The following SAMSN1 variants were observed in gnomAD, a reference collection of about 807,000 sequenced individuals.
SAMSN1 encodes SAM domain, SH3 domain and nuclear localization signals 1.
A neutral mutation model predicts 42.0 loss-of-function variants in SAMSN1; 31 were observed. That is an observed-to-expected ratio of 0.74 (90% CI 0.55 to 1.00). The LOEUF is 1.00. SAMSN1 is among the 50% of genes least tolerant of loss of function. The probability of loss-of-function intolerance (pLI) is 0.00; values close to 1 mark genes in which losing one functional copy is unlikely to be tolerated. For missense variants in SAMSN1, 464 were observed against 439.4 expected, an observed-to-expected ratio of 1.06 and a Z score of -0.50; for synonymous variants, 178 against 151.9, an observed-to-expected ratio of 1.17 and a Z score of -1.26.
chr21:14,590,901 C>T (rs1982064389), intron 7 of SAMSN1, among the ~76,000 whole-genome samples: 1 of 152,122 alleles, frequency 6.6e-6, no homozygotes, highest in African/African-American at 2.4e-5. Flanking sequence ...GATCAATAAA[C>T]ATTTAGAAAC....
intron 1 of SAMSN1, among the ~76,000 whole-genome samples, chr21:14,649,816 C>G (rs1042753659): frequency 6.9e-6 from 1 of 145,442 alleles, no homozygotes; most frequent in Non-Finnish European, 1.5e-5. Context: ...CACACACACA[C>G]AGAAAGAGAG....
chr21:14,643,439 C>T (rs1983642938), intron 1 of SAMSN1, among the ~76,000 whole-genome samples: 1 of 152,160 alleles, frequency 6.6e-6, no homozygotes, highest in African/African-American at 2.4e-5. Flanking sequence ...AGACATTAAG[C>T]TCAAAAAACT....
intron 6 of SAMSN1, among the ~76,000 whole-genome samples, chr21:14,498,940 T>A (rs1159969167): frequency 6.6e-6 from 1 of 152,250 alleles, no homozygotes; most frequent in African/African-American, 2.4e-5. Context: ...ACTTTAAGTC[T>A]ATCAATAAAA....
chr21:14,495,554 T>C (rs796985900), intron 7 of SAMSN1: 5 of 152,308 alleles, frequency 3.3e-5, no homozygotes, highest in African/African-American at 9.6e-5. Context: ...ATTTTTTTTT[T>C]CCATTTTTCA....
intron 4 of SAMSN1, chr21:14,612,529 C>A (rs1982734392): frequency 2.3e-6 from 1 of 427,084 alleles, no homozygotes; most frequent in South Asian, 1.8e-5. Context: ...TTTTTATTGT[C>A]TCCTAGATTC....
At chr21:14,585,894 G>T (rs902184968), upstream of SAMSN1, among the ~76,000 whole-genome samples, 17 of 151,890 alleles carry the variant, frequency 1.1e-4, no homozygotes, top group African/African-American at 4.1e-4. Context: ...TATATCCAAG[G>T]GATGAAATTT....
intron 2 of SAMSN1, among the ~76,000 whole-genome samples, chr21:14,635,189 T>A (rs1264210999): frequency 6.6e-6 from 1 of 151,912 alleles, no homozygotes; most frequent in Non-Finnish European, 1.5e-5. Flanking sequence ...TAGGGGGCAA[T>A]GACGAGGGGA....
chr21:14,486,196 C>A, intron 7 of SAMSN1, 82 bp from the exon 8 acceptor site: 1 of 915,818 alleles, frequency 1.1e-6, no homozygotes. Flanking sequence ...CAAGTATTAT[C>A]CTATTTTAAC....
intron 1 of SAMSN1, among the ~76,000 whole-genome samples, chr21:14,536,214 C>T (rs1389666044): frequency 6.6e-6 from 1 of 151,998 alleles, no homozygotes; most frequent in East Asian, 1.9e-4. Flanking sequence ...GGACTTGATT[C>T]CATTATTGTA....
chr21:14,590,503 G>C (rs575571050), intron 7 of SAMSN1, among the ~76,000 whole-genome samples: 1 of 152,108 alleles, frequency 6.6e-6, no homozygotes, highest in African/African-American at 2.4e-5. Context: ...GGCTTGTCTT[G>C]AACTCCTGGC....
Position 14,510,386 on chromosome 21 carries a change from C to T in SAMSN1, c.485G>A (p.Gly162Glu), listed in dbSNP as rs1019525835. ...CACTCTGGCACGGCCACAGAATGGT[C>T]CTGAATAGGGGCCATCGTCATCCAG... ...FRLDDDGPYS[G>E]PFCGRARVHT... The change falls in exon 5 of 8, where the codon GGA (glycine) becomes GAA (glutamate). Residue 162 changes from glycine to glutamate, a missense_variant. Gly to Glu is a moderately conservative substitution (Grantham distance 98, BLOSUM62 -2). Transcript: ENST00000400566. 6.2e-7 allele frequency: 1 copy of T among 1,614,008 alleles called. No homozygotes were observed. The highest frequency in any genetic ancestry group is 8.5e-7 in the Non-Finnish European group (1 of 1,180,008).
chr21:14,613,715 G>A (rs1437657767), intron 3 of SAMSN1, among the ~76,000 whole-genome samples: 1 of 152,040 alleles, frequency 6.6e-6, no homozygotes, highest in Non-Finnish European at 1.5e-5. Context: ...ATTGTAAAGT[G>A]AGGTAAGTGA....
intron 2 of SAMSN1, among the ~76,000 whole-genome samples, chr21:14,642,322 G>A (rs999872644): frequency 6.6e-6 from 1 of 152,166 alleles, no homozygotes; most frequent in African/African-American, 2.4e-5. Context: ...TAATTTTAAA[G>A]ATAATTCACA....
intron 4 of SAMSN1, among the ~76,000 whole-genome samples, chr21:14,612,277 G>A (rs1982729150): frequency 1.3e-5 from 2 of 152,120 alleles, no homozygotes; most frequent in African/African-American, 4.8e-5. Context: ...TGATCCAGAT[G>A]TTTCACATTG....
At chr21:14,507,947 A>T (rs1316773154) in intron 5 of SAMSN1, among the ~76,000 whole-genome samples, 3 of 152,120 alleles carry the variant, frequency 2.0e-5, no homozygotes, top group African/African-American at 7.2e-5. Context: ...ACAAAAACAT[A>T]AAGTGGGGAA....
At chr21:14,652,199 T>G (rs1399767669) in intron 1 of SAMSN1, among the ~76,000 whole-genome samples, 1 of 151,908 alleles carries the variant, frequency 6.6e-6, no homozygotes, top group Non-Finnish European at 1.5e-5. Flanking sequence ...ATCCTAAAAT[T>G]TATATGGGAC....
In SAMSN1 at chr21:14,516,577, A is replaced by G. The variant is rs1230575460; in HGVS notation, c.279+315T>C. 2.0e-5 allele frequency among the ~76,000 whole-genome samples: 3 copies of G among 152,206 alleles called. No individual in the cohort carries two copies. In the East Asian group the frequency reaches 5.8e-4, roughly 29 times the overall value. ...CAGCTAATTTTTGTATTTTTAGTAG[A>G]GACGGGGTTTCACCATGTTGGCCAG... is the stretch of plus-strand genomic sequence containing the variant. On this transcript the variant is annotated intron_variant, in intron 3 of 7. Coordinates refer to ENST00000400566, the MANE Select transcript of SAMSN1 (RefSeq NM_022136.5).
intron 2 of SAMSN1, among the ~76,000 whole-genome samples, chr21:14,634,884 T>A (rs1335672763): frequency 6.6e-6 from 1 of 152,202 alleles, no homozygotes; most frequent in Non-Finnish European, 1.5e-5. Flanking sequence ...CATGGACACT[T>A]ACGTTTATTA....
At chr21:14,657,992 T>C (rs944545124) in intron 1 of SAMSN1, among the ~76,000 whole-genome samples, 2 of 151,788 alleles carry the variant, frequency 1.3e-5, no homozygotes, top group Non-Finnish European at 2.9e-5. Flanking sequence ...GAGAGGGATC[T>C]CCCATCGACA....
Sources: allele counts gnomAD v4.1 joint callset (sites outside exome capture counted in the v4.1 genomes callset), GRCh38; gene constraint gnomAD v4.1.1; transcripts MANE v1.5; gene names NCBI Gene and HGNC (gene_info 2026-07-23, HGNC 2026-07-21).